Variants in CDH13 observed in about 807,000 individuals in gnomAD.
CDH13 encodes the protein cadherin 13, also known as cadherin-13.
Under a neutral mutation model 63.8 loss-of-function variants are expected in CDH13, and 24 were observed. The ratio of observed to expected loss-of-function variants is 0.38; its 90% CI spans 0.27 to 0.53. CDH13 has a LOEUF of 0.53. Among genes scored for constraint, CDH13 ranks in the 20% least tolerant of loss-of-function variants. The pLI is 0.85. For synonymous variants in CDH13, 503 were observed against 355.3 expected, an observed-to-expected ratio of 1.42 and a Z score of -4.67; for missense variants, 1,049 against 903.1, an observed-to-expected ratio of 1.16 and a Z score of -2.07.
At chr16:82,970,607 G>A (rs186757732) in intron 2 of CDH13, among the ~76,000 whole-genome samples, 1 of 117,404 alleles carries the variant, frequency 8.5e-6, no homozygotes, top group Non-Finnish European at 2.1e-5. Context: ...CACCTTGTTA[G>A]CCAGGATGGT....
chr16:83,317,786 C>G (rs1020214709), intron 5 of CDH13, among the ~76,000 whole-genome samples: 10 of 150,528 alleles, frequency 6.6e-5, no homozygotes, highest in Non-Finnish European at 1.3e-4. Context: ...AGTGACAAAG[C>G]GAGACTCTGT....
At chr16:83,013,258 T>G (rs1458812409) in intron 2 of CDH13, among the ~76,000 whole-genome samples, 2 of 152,210 alleles carry the variant, frequency 1.3e-5, no homozygotes, top group Non-Finnish European at 2.9e-5. Context: ...CAATAAAACT[T>G]TATTTACAAA....
intron 2 of CDH13, among the ~76,000 whole-genome samples, chr16:82,878,423 G>A (rs534548963): frequency 2.9e-4 from 44 of 151,308 alleles, no homozygotes; most frequent in South Asian, 6.3e-4. Context: ...AAGAGGAGAC[G>A]TCAACTGGGA....
intron 2 of CDH13, among the ~76,000 whole-genome samples, chr16:82,927,184 G>A (rs964194023): frequency 3.3e-5 from 5 of 152,092 alleles, no homozygotes; most frequent in Admixed American, 1.3e-4. Context: ...CATCCCAAGG[G>A]AACAAGGTAG....
intron 3 of CDH13, among the ~76,000 whole-genome samples, chr16:83,118,643 C>T (rs982604514): frequency 1.7e-4 from 26 of 152,272 alleles, no homozygotes; most frequent in South Asian, 6.2e-4. Context: ...CTTCATTTTT[C>T]TACCGTTTCT....
At chr16:82,695,188 T>G (rs1418036203) in intron 1 of CDH13, among the ~76,000 whole-genome samples, 1 of 152,092 alleles carries the variant, frequency 6.6e-6, no homozygotes, top group East Asian at 1.9e-4. Flanking sequence ...ACCTAGCTGC[T>G]TTGTGCCTGG....
At chr16:82,821,378 C>G (rs2037993707) in intron 1 of CDH13, among the ~76,000 whole-genome samples, 1 of 152,332 alleles carries the variant, frequency 6.6e-6, no homozygotes, top group Non-Finnish European at 1.5e-5. Context: ...CGATTCGAGG[C>G]AGATAACTGA....
chr16:83,654,953 C>G (rs1368704833), intron 8 of CDH13: 1 of 152,264 alleles, frequency 6.6e-6, no homozygotes, highest in African/African-American at 2.4e-5. Context: ...GTGGGCCATG[C>G]CGCATCAGCC....
intron 4 of CDH13, among the ~76,000 whole-genome samples, chr16:83,157,387 G>T (rs2151704908): frequency 6.6e-6 from 1 of 152,244 alleles, no homozygotes; most frequent in Non-Finnish European, 1.5e-5. Context: ...TCCGGAATCA[G>T]TTCTCATCTT....
intron 3 of CDH13, among the ~76,000 whole-genome samples, chr16:83,102,740 T>A (rs1343613085): frequency 2.6e-5 from 4 of 151,790 alleles, no homozygotes; most frequent in Non-Finnish European, 5.9e-5. Flanking sequence ...AAAAGATGAT[T>A]TTGGCTTGGA....
intron 11 of CDH13, among the ~76,000 whole-genome samples, chr16:83,748,830 G>C (rs137950123): frequency 6.6e-6 from 1 of 152,190 alleles, no homozygotes; most frequent in African/African-American, 2.4e-5. Flanking sequence ...TCCTCATGGA[G>C]CTGACGTGCA....
At chr16:82,928,178 G>GTGTA (rs1453906893) in intron 2 of CDH13, among the ~76,000 whole-genome samples, 1 of 151,832 alleles carries the variant, frequency 6.6e-6, no homozygotes, top group African/African-American at 2.4e-5. Context: ...GTGTGTGTGT[G>GTGTA]TGTGTGTGTG....
At chr16:83,720,321 A>G (rs1909523588) in intron 10 of CDH13, among the ~76,000 whole-genome samples, 1 of 151,992 alleles carries the variant, frequency 6.6e-6, no homozygotes, top group Non-Finnish European at 1.5e-5. Context: ...ACACACATGC[A>G]CACACATTCA....
At chr16:83,745,270 CCTT>C (rs1912468524) in intron 10 of CDH13, among the ~76,000 whole-genome samples, 1 of 152,300 alleles carries the variant, frequency 6.6e-6, no homozygotes, top group Non-Finnish European at 1.5e-5. Flanking sequence ...CTCCTGGCGT[CCTT>C]CTGCAGTTTG....
chr16:83,597,234 C>G (rs1907350115), intron 7 of CDH13, among the ~76,000 whole-genome samples: 1 of 151,928 alleles, frequency 6.6e-6, no homozygotes. Flanking sequence ...CACACACACA[C>G]ACACAAAAAG....
At chr16:83,548,167 G>T (rs1049936605) in intron 7 of CDH13, among the ~76,000 whole-genome samples, 2 of 152,110 alleles carry the variant, frequency 1.3e-5, no homozygotes, top group African/African-American at 4.8e-5. Flanking sequence ...CCTAGTGGGG[G>T]TGCCAGGGTG....
intron 7 of CDH13, among the ~76,000 whole-genome samples, chr16:83,535,587 T>C (rs944479949): frequency 2.6e-5 from 4 of 152,192 alleles, no homozygotes; most frequent in African/African-American, 9.6e-5. Context: ...CACAAGTGCG[T>C]ATTGAGATCT....
At chr16:83,353,162 C>T (rs566379708) in intron 6 of CDH13, among the ~76,000 whole-genome samples, 6 of 152,346 alleles carry the variant, frequency 3.9e-5, no homozygotes, top group African/African-American at 7.2e-5. Flanking sequence ...AAAGCCAAGA[C>T]GTCAGCACTC....
At chr16:83,038,104 G>A (rs949706606) in intron 3 of CDH13, among the ~76,000 whole-genome samples, 5 of 152,162 alleles carry the variant, frequency 3.3e-5, no homozygotes, top group Admixed American at 1.3e-4. Flanking sequence ...CAAAACAGGG[G>A]CGATTTCACA....
Sources: allele counts gnomAD v4.1 joint callset (sites outside exome capture counted in the v4.1 genomes callset), GRCh38; gene constraint gnomAD v4.1.1; transcripts MANE v1.5; gene names NCBI Gene and HGNC (gene_info 2026-07-23, HGNC 2026-07-21).